CFAP77: variants seen among roughly 807,000 people sequenced by gnomAD.
CFAP77 encodes the protein cilia and flagella associated protein 77.
In CFAP77, 25 loss-of-function variants were observed where a neutral mutation model predicts 31.1. The observed-to-expected ratio is 0.80, with a 90% CI of 0.59 to 1.12. CFAP77 has a LOEUF of 1.12. Among genes scored for constraint, CFAP77 ranks in the 50% most tolerant of loss-of-function variants. CFAP77 has a pLI of 0.00. For synonymous variants in CFAP77, 151 were observed against 159.9 expected, an observed-to-expected ratio of 0.94 and a Z score of 0.42; for missense variants, 377 against 397.3, an observed-to-expected ratio of 0.95 and a Z score of 0.44.
At chr9:132,556,747 G>A (rs1023650393) in intron 5 of CFAP77, among the ~76,000 whole-genome samples, 1 of 152,122 alleles carries the variant, frequency 6.6e-6, no homozygotes, top group Non-Finnish European at 1.5e-5. Flanking sequence ...TTGGGCCCAC[G>A]AGCTGTCAGG....
chr9:132,441,046 C>T (rs1415237823), intron 1 of CFAP77, among the ~76,000 whole-genome samples: 1 of 152,156 alleles, frequency 6.6e-6, no homozygotes, highest in Admixed American at 6.5e-5. Context: ...CTCTCCTTGC[C>T]TCTTACTCTC....
chr9:132,448,431 G>T (rs967067952), intron 1 of CFAP77, among the ~76,000 whole-genome samples: 3 of 152,148 alleles, frequency 2.0e-5, no homozygotes, highest in Admixed American at 1.3e-4. Context: ...CATTGGGCAG[G>T]TATTTACTGA....
chr9:132,484,852 CTTTT>C (rs772628691), intron 1 of CFAP77, among the ~76,000 whole-genome samples: 1 of 138,144 alleles, frequency 7.2e-6, no homozygotes, highest in Non-Finnish European at 1.6e-5. Flanking sequence ...AACTTTCTTT[CTTTT>C]TTTTTTTTTT....
intron 3 of CFAP77, among the ~76,000 whole-genome samples, chr9:132,530,140 T>C (rs1445398727): frequency 6.6e-4 from 97 of 146,982 alleles, no homozygotes; most frequent in African/African-American, 2.0e-3. Flanking sequence ...TCTTTTCTTT[T>C]TTTTTTTTTT....
At chr9:132,561,625 AC>A (rs1829808429) in intron 5 of CFAP77, among the ~76,000 whole-genome samples, 1 of 120,696 alleles carries the variant, frequency 8.3e-6, no homozygotes, top group African/African-American at 4.0e-5. Context: ...ACACACACAC[AC>A]ACACACACAC....
intron 1 of CFAP77, among the ~76,000 whole-genome samples, chr9:132,447,555 A>T (rs1850746960): frequency 6.6e-6 from 1 of 152,172 alleles, no homozygotes; most frequent in Non-Finnish European, 1.5e-5. Flanking sequence ...TTTCTTGGCC[A>T]TCCCCATCCA....
At chr9:132,477,151 C>T (rs956767452) in intron 1 of CFAP77, among the ~76,000 whole-genome samples, 3 of 152,142 alleles carry the variant, frequency 2.0e-5, no homozygotes, top group South Asian at 2.1e-4. Context: ...ACAGTGGGGC[C>T]AGGATGAGGG....
rs1274758797 is a variant in CFAP77, at chr9:132,554,987, TCCTCAG to T, written c.732+11943_732+11948del. On this transcript the variant is annotated intron_variant, in intron 5 of 5. Transcript: ENST00000393216. The surrounding 1 kb of genome is among the most constrained non-coding windows in gnomAD (Gnocchi z 4.1). Reference sequence around the variant, plus strand: ...ATCCATCCATCCATCCATCCATCCATCCTCAGCCATCTGTCCATCTGTTTGTTCATC... The same window carrying T: ...ATCCATCCATCCATCCATCCATCCATCCATCTGTCCATCTGTTTGTTCATC... Among the ~76,000 whole-genome samples, 2 of 144,926 alleles carry T rather than the reference TCCTCAG, an allele frequency of 1.4e-5. No homozygotes were observed. Among genetic ancestry groups the T allele is most frequent in the African/African-American group, 2.7e-5 (1 of 37,438 alleles).
chr9:132,496,653 G>A (rs955773810), intron 1 of CFAP77, among the ~76,000 whole-genome samples: 1 of 152,202 alleles, frequency 6.6e-6, no homozygotes, highest in African/African-American at 2.4e-5. Flanking sequence ...CCATGCTACC[G>A]CGGGTACAAC....
At chr9:132,557,295 A>C (rs915371512) in intron 5 of CFAP77, among the ~76,000 whole-genome samples, 7 of 152,156 alleles carry the variant, frequency 4.6e-5, no homozygotes, top group African/African-American at 1.7e-4. Context: ...AGAGAAGGCA[A>C]GATGCAAGTC....
intron 1 of CFAP77, among the ~76,000 whole-genome samples, chr9:132,485,910 A>G (rs1167875971): frequency 6.9e-6 from 1 of 145,526 alleles, no homozygotes; most frequent in Non-Finnish European, 1.5e-5. Flanking sequence ...GTTTTCGTAA[A>G]CAGGTGACGA....
chr9:132,549,373 G>A (rs1474866263), intron 5 of CFAP77, among the ~76,000 whole-genome samples: 2 of 152,246 alleles, frequency 1.3e-5, no homozygotes, highest in African/African-American at 2.4e-5. Context: ...ATCATCTTAC[G>A]TCACTGTGTA....
intron 1 of CFAP77, among the ~76,000 whole-genome samples, chr9:132,464,006 T>C (rs1299095684): frequency 6.6e-6 from 1 of 152,170 alleles, no homozygotes; most frequent in Non-Finnish European, 1.5e-5. Flanking sequence ...AGGGGTCGGA[T>C]GGGAATCACG....
intron 1 of CFAP77, among the ~76,000 whole-genome samples, chr9:132,444,200 T>C (rs1490803465): frequency 1.3e-5 from 2 of 152,256 alleles, no homozygotes; most frequent in Non-Finnish European, 2.9e-5. Context: ...ATGGAAGCCC[T>C]GGGCATTAGC....
intron 3 of CFAP77, among the ~76,000 whole-genome samples, chr9:132,512,961 G>C (rs1324973218): frequency 6.6e-6 from 1 of 152,130 alleles, no homozygotes; most frequent in Admixed American, 6.5e-5. Flanking sequence ...TAAATAAATA[G>C]ATAGAGATGA....
chr9:132,431,870 A>G (rs970790633), intron 1 of CFAP77, among the ~76,000 whole-genome samples: 1 of 152,140 alleles, frequency 6.6e-6, no homozygotes, highest in Non-Finnish European at 1.5e-5. Context: ...ATCTCAGTGA[A>G]TCCCAAAAAG....
chr9:132,549,412 C>G (rs926992048), intron 5 of CFAP77, among the ~76,000 whole-genome samples: 3 of 152,194 alleles, frequency 2.0e-5, no homozygotes, highest in Non-Finnish European at 4.4e-5. Context: ...TGGAATGTGT[C>G]ACATGCGGAA....
intron 1 of CFAP77, among the ~76,000 whole-genome samples, chr9:132,453,614 T>C (rs1288860373): frequency 1.3e-5 from 2 of 152,202 alleles, no homozygotes; most frequent in East Asian, 3.8e-4. Flanking sequence ...AGCCAAAAGA[T>C]TCATTTAAAA....
At chr9:132,508,218 G>A (rs1041232558) in intron 3 of CFAP77, among the ~76,000 whole-genome samples, 1 of 152,168 alleles carries the variant, frequency 6.6e-6, no homozygotes, top group Non-Finnish European at 1.5e-5. Context: ...CCCCCGCGCC[G>A]CCGACTGATG....
Sources: gnomAD v4.1 joint callset for allele counts (sites outside exome capture counted in the v4.1 genomes callset) on GRCh38, gnomAD v4.1.1 for gene constraint, Gnocchi (gnomAD v3.1) non-coding constraint, MANE v1.5 for transcripts, NCBI Gene and HGNC (gene_info 2026-07-23, HGNC 2026-07-21) for gene names.